Variants in GRHL2 observed in about 807,000 individuals in gnomAD.
GRHL2 encodes grainyhead-like protein 2 homolog.
GRHL2 carries 21 observed loss-of-function variants against 83.8 expected under a neutral mutation model. The observed-to-expected ratio is 0.25, with a 90% confidence interval of 0.18 to 0.36. GRHL2 has a LOEUF of 0.36. Ranked by LOEUF, GRHL2 falls within the 10% of genes least tolerant of loss-of-function variation. The pLI, the probability that GRHL2 is intolerant of heterozygous loss-of-function variation, is 1.00. For missense variants in GRHL2, 623 were observed against 781.8 expected, an observed-to-expected ratio of 0.80 and a Z score of 2.42; for synonymous variants, 280 against 278.9, an observed-to-expected ratio of 1.00 and a Z score of -0.04.
intron 1 of GRHL2, among the ~76,000 whole-genome samples, chr8:101,532,744 A>C: frequency 6.8e-6 from 1 of 147,636 alleles, no homozygotes; most frequent in Non-Finnish European, 1.5e-5. Context: ...ACAGAGCGAG[A>C]CTCCATCTCA....
chr8:101,608,914 A>C (rs1812690831), intron 8 of GRHL2, among the ~76,000 whole-genome samples: 1 of 150,186 alleles, frequency 6.7e-6, no homozygotes, highest in Admixed American at 6.6e-5. Flanking sequence ...AGTTGGAAGA[A>C]GAGTGTATGG....
At chr8:101,621,884 A>AAAAAAAT (rs147597431) in intron 9 of GRHL2, among the ~76,000 whole-genome samples, 19,247 of 151,902 alleles carry the variant, frequency 0.13, 1,293 homozygotes, top group African/African-American at 0.18. Flanking sequence ...ACCCTATCTA[A>AAAAAAAT]AAAAAATAAA....
intron 7 of GRHL2, among the ~76,000 whole-genome samples, chr8:101,596,393 A>G (rs764755621): frequency 6.6e-6 from 1 of 152,038 alleles, no homozygotes; most frequent in Non-Finnish European, 1.5e-5. Flanking sequence ...AGCCTTAAAA[A>G]TTTTTTTTCC....
intron 14 of GRHL2, among the ~76,000 whole-genome samples, chr8:101,658,157 T>G (rs1008057293): frequency 6.6e-5 from 10 of 152,236 alleles, no homozygotes; most frequent in African/African-American, 1.9e-4. Context: ...CTGCCTTTGA[T>G]GCTGAGAGTT....
intron 14 of GRHL2, among the ~76,000 whole-genome samples, chr8:101,657,931 C>T (rs993984832): frequency 5.9e-5 from 9 of 152,246 alleles, no homozygotes; most frequent in East Asian, 3.9e-4. Flanking sequence ...ATGTGCCACA[C>T]GTTTTCCATT....
At chr8:101,566,703 A>G (rs1418002179) in intron 4 of GRHL2, among the ~76,000 whole-genome samples, 1 of 151,370 alleles carries the variant, frequency 6.6e-6, no homozygotes. Flanking sequence ...ATACAACCTT[A>G]TCCATGTTTC....
intron 7 of GRHL2, among the ~76,000 whole-genome samples, chr8:101,592,194 T>G (rs971215893): frequency 7.9e-6 from 1 of 125,912 alleles, no homozygotes; most frequent in Non-Finnish European, 1.6e-5. Context: ...AACCTCCGCC[T>G]CCCGGGTTCA....
chr8:101,584,307 A>G (rs1330363776), intron 7 of GRHL2, among the ~76,000 whole-genome samples: 3 of 152,202 alleles, frequency 2.0e-5, no homozygotes, highest in Non-Finnish European at 2.9e-5. Context: ...TTAAGAGTCA[A>G]TGTTTAAATT....
chr8:101,606,497 T>C (rs546546833), intron 8 of GRHL2, among the ~76,000 whole-genome samples: 1 of 152,328 alleles, frequency 6.6e-6, no homozygotes, highest in Admixed American at 6.5e-5. Flanking sequence ...AGTTGGCTGG[T>C]GAGAAGAAAC....
chr8:101,648,714 G>A (rs1208543082), intron 13 of GRHL2, among the ~76,000 whole-genome samples: 2 of 152,124 alleles, frequency 1.3e-5, no homozygotes, highest in African/African-American at 2.4e-5. Context: ...TCCCAGGCCT[G>A]TGCAAGTTTG....
At chr8:101,586,471 T>A (rs1335991218) in intron 7 of GRHL2, among the ~76,000 whole-genome samples, 1 of 152,198 alleles carries the variant, frequency 6.6e-6, no homozygotes, top group Non-Finnish European at 1.5e-5. Flanking sequence ...GAGACCTTGT[T>A]CCCTGTCCCC....
chr8:101,632,092 G>A (rs959738814), intron 10 of GRHL2, 134 bp from the exon 11 acceptor site: 1 of 924,184 alleles, frequency 1.1e-6, no homozygotes, highest in Non-Finnish European at 1.8e-6. Flanking sequence ...GGTGGTGGGA[G>A]GTGTTGAAGT....
In GRHL2 at chr8:101,510,781, G is replaced by T. The variant is rs1586405528; in HGVS notation, c.20+17992G>T. ...CATTGTACCACATATAAGTGCGCATGCATTTGAGAGTTTTAAAATTTTTCA... is the reference window on the plus strand; with the variant it reads ...CATTGTACCACATATAAGTGCGCATTCATTTGAGAGTTTTAAAATTTTTCA... On this transcript the variant is annotated intron_variant, in intron 1 of 15. Transcript: ENST00000646743. Among the ~76,000 whole-genome samples the T allele has an allele frequency of 2.0e-5, 3 of 152,242 alleles. 1 individual carries two copies. Among genetic ancestry groups the T allele is most frequent in the African/African-American group, 7.2e-5 (3 of 41,538 alleles).
At chr8:101,593,967 G>A (rs1214541967) in intron 7 of GRHL2, among the ~76,000 whole-genome samples, 1 of 150,492 alleles carries the variant, frequency 6.6e-6, no homozygotes, top group African/African-American at 2.4e-5. Context: ...TACTCGGGAG[G>A]CTGAGGCAGA....
At chr8:101,492,865 GTTT>G in intron 1 of GRHL2, 76 bp downstream of exon 1, 3 of 1,317,410 alleles carry the variant, frequency 2.3e-6, no homozygotes, top group Non-Finnish European at 3.3e-6. Context: ...TTATGTTTTT[GTTT>G]TTAAGTTGCT....
chr8:101,601,968 C>T (rs1314383806), intron 8 of GRHL2, among the ~76,000 whole-genome samples: 3 of 152,108 alleles, frequency 2.0e-5, no homozygotes, highest in Non-Finnish European at 4.4e-5. Flanking sequence ...CTAAGGCTCT[C>T]CCTCCCCTAG....
intron 1 of GRHL2, among the ~76,000 whole-genome samples, chr8:101,518,916 G>A (rs1253108121): frequency 6.6e-6 from 1 of 152,198 alleles, no homozygotes; most frequent in African/African-American, 2.4e-5. Context: ...CTGTGCTGCT[G>A]TTTGTGAGGC....
intron 9 of GRHL2, among the ~76,000 whole-genome samples, chr8:101,630,954 A>C (rs1156283002): frequency 6.6e-6 from 1 of 152,208 alleles, no homozygotes; most frequent in Non-Finnish European, 1.5e-5. Flanking sequence ...GCGATTTGGC[A>C]ATTTGGCAAG....
chr8:101,678,607 G>A, the GRHL2 span, among the ~76,000 whole-genome samples: 1 of 151,476 alleles, frequency 6.6e-6, no homozygotes, highest in Non-Finnish European at 1.5e-5. Context: ...GCCTGCCTCT[G>A]TAGGCTCCAC....
Sources: allele counts gnomAD v4.1 joint callset (sites outside exome capture counted in the v4.1 genomes callset), GRCh38; gene constraint gnomAD v4.1.1; transcripts MANE v1.5; gene names NCBI Gene and HGNC (gene_info 2026-07-23, HGNC 2026-07-21).